TMEM132D: variants seen among roughly 807,000 people sequenced by gnomAD.
The protein encoded by TMEM132D is transmembrane protein 132D, also known as mature OL transmembrane protein.
TMEM132D carries 21 observed loss-of-function variants against 62.3 expected under a neutral mutation model. The ratio of observed to expected loss-of-function variants is 0.34; its 90% confidence interval spans 0.24 to 0.49. The LOEUF is 0.49. Ranked by LOEUF, TMEM132D falls within the 20% of genes least tolerant of loss-of-function variation. TMEM132D has a pLI of 0.99. For missense variants in TMEM132D, 1,346 were observed against 1,402.8 expected, an observed-to-expected ratio of 0.96 and a Z score of 0.65; for synonymous variants, 621 against 575.6, an observed-to-expected ratio of 1.08 and a Z score of -1.13.
chr12:129,419,009 G>A (rs1186494058), intron 3 of TMEM132D, among the ~76,000 whole-genome samples: 3 of 152,166 alleles, frequency 2.0e-5, no homozygotes, highest in Non-Finnish European at 4.4e-5. Context: ...CCTCCCAAGA[G>A]CCTTCCACGG....
intron 2 of TMEM132D, among the ~76,000 whole-genome samples, chr12:129,541,703 T>C (rs1876587885): frequency 2.0e-5 from 3 of 152,186 alleles, no homozygotes; most frequent in Non-Finnish European, 1.5e-5. Flanking sequence ...TCTCCCATCA[T>C]GGGGTCATCA....
At chr12:129,594,954 T>C (rs1472818572) in intron 2 of TMEM132D, among the ~76,000 whole-genome samples, 1 of 152,198 alleles carries the variant, frequency 6.6e-6, no homozygotes, top group Non-Finnish European at 1.5e-5. Flanking sequence ...GGGTTTATAA[T>C]CACAGACAGG....
At chr12:129,435,184 A>C (rs73151066) in intron 3 of TMEM132D, among the ~76,000 whole-genome samples, 28,888 of 152,152 alleles carry the variant, frequency 0.19, 3,304 homozygotes, top group South Asian at 0.27. Flanking sequence ...TCCATTGTGT[A>C]TAATATAGAC....
intron 4 of TMEM132D, among the ~76,000 whole-genome samples, chr12:129,273,833 G>C (rs973237246): frequency 1.3e-5 from 2 of 151,124 alleles, no homozygotes. Flanking sequence ...TGATGGGATC[G>C]ATTGTACCCC....
intron 2 of TMEM132D, among the ~76,000 whole-genome samples, chr12:129,644,925 G>T (rs1430793552): frequency 2.8e-5 from 4 of 145,276 alleles, no homozygotes; most frequent in African/African-American, 5.1e-5. Flanking sequence ...GGCGGAGCTT[G>T]CAGTGAGCCG....
At chr12:129,651,237 C>A (rs565634117) in intron 2 of TMEM132D, among the ~76,000 whole-genome samples, 11 of 152,288 alleles carry the variant, frequency 7.2e-5, no homozygotes, top group Admixed American at 2.0e-4. Context: ...AGATTTAATT[C>A]TATTGGTTCA....
chr12:129,752,864 G>A (rs1388559925), intron 1 of TMEM132D, among the ~76,000 whole-genome samples: 2 of 152,190 alleles, frequency 1.3e-5, no homozygotes, highest in South Asian at 2.1e-4. Context: ...ACTACTTGGC[G>A]AGGAGGAAGG....
chr12:129,597,476 A>C (rs1178350490), intron 2 of TMEM132D, among the ~76,000 whole-genome samples: 1 of 152,216 alleles, frequency 6.6e-6, no homozygotes, highest in Non-Finnish European at 1.5e-5. Flanking sequence ...AAATGATTAT[A>C]AAGGTAAGTG....
intron 5 of TMEM132D, among the ~76,000 whole-genome samples, chr12:129,098,870 C>T (rs999221690): frequency 5.9e-5 from 9 of 152,144 alleles, no homozygotes; most frequent in Non-Finnish European, 1.2e-4. Flanking sequence ...TCTCTCTGAC[C>T]TTCCAACCAT....
intron 2 of TMEM132D, among the ~76,000 whole-genome samples, chr12:129,561,659 T>C (rs1305381237): frequency 6.6e-6 from 1 of 152,242 alleles, no homozygotes; most frequent in Non-Finnish European, 1.5e-5. Context: ...AGAAACCAGT[T>C]ATCATTATGC....
intron 3 of TMEM132D, among the ~76,000 whole-genome samples, chr12:129,487,830 G>A (rs1006862916): frequency 9.3e-5 from 14 of 151,120 alleles, no homozygotes; most frequent in Admixed American, 5.3e-4. Context: ...CCAGATACTC[G>A]GGAGGCTGAG....
At chr12:129,384,255 TAAACA>T (rs999681546) in intron 3 of TMEM132D, among the ~76,000 whole-genome samples, 9 of 152,104 alleles carry the variant, frequency 5.9e-5, no homozygotes, top group African/African-American at 2.2e-4. Context: ...AACAGTGACT[TAAACA>T]AAACAAAACA....
At chr12:129,724,106 G>A (rs764510338) in intron 1 of TMEM132D, among the ~76,000 whole-genome samples, 1 of 152,312 alleles carries the variant, frequency 6.6e-6, no homozygotes, top group East Asian at 1.9e-4. Flanking sequence ...CCACGTTTGA[G>A]TAGAAGGCAC....
chr12:129,365,300 G>A (rs137872462), intron 3 of TMEM132D, among the ~76,000 whole-genome samples: 3,167 of 152,144 alleles, frequency 0.021, 104 homozygotes, highest in African/African-American at 0.072. Flanking sequence ...ATAGATGGAT[G>A]TTTGAAGCCT....
intron 3 of TMEM132D, among the ~76,000 whole-genome samples, chr12:129,398,834 TCATCCATCCATCCATCCATCCATC>T (rs138005852): frequency 3.8e-4 from 27 of 71,328 alleles, no homozygotes; most frequent in South Asian, 2.9e-3. Flanking sequence ...ATTTATGTAT[TCATCCATCCATCCATCCATCCATC>T]CATCCATCCA....
chr12:129,113,436 A>G (rs1284855200), intron 5 of TMEM132D: 1 of 152,230 alleles, frequency 6.6e-6, no homozygotes, highest in African/African-American at 2.4e-5. Flanking sequence ...AGAACCAACT[A>G]TGAGCCAGGA....
chr12:129,351,109 A>G (rs1182014425), intron 3 of TMEM132D, among the ~76,000 whole-genome samples: 1 of 152,184 alleles, frequency 6.6e-6, no homozygotes, highest in Non-Finnish European at 1.5e-5. Flanking sequence ...CCAAAAATGG[A>G]TGACTACCCT....
At chr12:129,359,737 G>A (rs1183454216) in intron 3 of TMEM132D, among the ~76,000 whole-genome samples, 2 of 152,076 alleles carry the variant, frequency 1.3e-5, no homozygotes, top group Admixed American at 6.6e-5. Context: ...GAGACATTAT[G>A]AGGTAGTCAA....
At chr12:129,628,429 C>T (rs1203476216) in intron 2 of TMEM132D, among the ~76,000 whole-genome samples, 3 of 152,134 alleles carry the variant, frequency 2.0e-5, no homozygotes, top group Non-Finnish European at 2.9e-5. Context: ...TCGGCAGGGG[C>T]GGAGGTGTCT....
Sources: allele counts gnomAD v4.1 joint callset (sites outside exome capture counted in the v4.1 genomes callset), GRCh38; gene constraint gnomAD v4.1.1; transcripts MANE v1.5; gene names NCBI Gene and HGNC (gene_info 2026-07-23, HGNC 2026-07-21).